The following KCNQ5 variants were observed in gnomAD, a reference collection of about 807,000 sequenced individuals.
KCNQ5 encodes the protein potassium voltage-gated channel subfamily Q member 5, also known as potassium voltage-gated channel subfamily KQT member 5.
Under a neutral mutation model 98.2 loss-of-function variants are expected in KCNQ5, and 30 were observed. That is an observed-to-expected ratio of 0.31 (90% CI 0.23 to 0.41). The LOEUF (loss-of-function observed/expected upper bound fraction) is 0.41. KCNQ5 is among the 10% of genes least tolerant of loss of function. KCNQ5 has a pLI of 1.00. For synonymous variants in KCNQ5, 458 were observed against 449.4 expected, an observed-to-expected ratio of 1.02 and a Z score of -0.24; for missense variants, 835 against 1,182.5, an observed-to-expected ratio of 0.71 and a Z score of 4.31.
chr6:72,779,891 G>A (rs1773371983), intron 1 of KCNQ5, among the ~76,000 whole-genome samples: 1 of 141,774 alleles, frequency 7.1e-6, no homozygotes, highest in Admixed American at 7.2e-5. Context: ...GTAAAGATGG[G>A]GTCTCCCTCT....
At chr6:72,927,676 C>T (rs1476409613) in intron 1 of KCNQ5, among the ~76,000 whole-genome samples, 2 of 152,062 alleles carry the variant, frequency 1.3e-5, no homozygotes, top group Non-Finnish European at 2.9e-5. Context: ...ACCAGCTCAA[C>T]CATACTCTGT....
At chr6:73,080,741 TC>T (rs1023582563) in intron 5 of KCNQ5, among the ~76,000 whole-genome samples, 2 of 152,106 alleles carry the variant, frequency 1.3e-5, no homozygotes, top group Non-Finnish European at 2.9e-5. Flanking sequence ...AAAAAGGAAA[TC>T]CCCTATATTA....
intron 1 of KCNQ5, among the ~76,000 whole-genome samples, chr6:72,797,069 G>A (rs1225651104): frequency 1.3e-5 from 2 of 152,136 alleles, no homozygotes; most frequent in African/African-American, 4.8e-5. Flanking sequence ...GAATTACTAT[G>A]ACAAGTATCA....
chr6:73,183,658 C>A (rs1013812797), intron 11 of KCNQ5, among the ~76,000 whole-genome samples: 4 of 152,276 alleles, frequency 2.6e-5, no homozygotes, highest in Admixed American at 6.5e-5. Flanking sequence ...CTTTCTCAAA[C>A]TTAGCTTGGA....
chr6:73,035,088 AC>A (rs1367218208), intron 2 of KCNQ5, among the ~76,000 whole-genome samples: 1 of 151,794 alleles, frequency 6.6e-6, no homozygotes, highest in Non-Finnish European at 1.5e-5. Flanking sequence ...CTCGTGACCC[AC>A]CCGCCTCGGC....
chr6:72,922,864 T>C (rs1259627476), intron 1 of KCNQ5, among the ~76,000 whole-genome samples: 1 of 138,876 alleles, frequency 7.2e-6, no homozygotes, highest in Non-Finnish European at 1.5e-5. Context: ...CAGGCTGGAG[T>C]GCAGTGTCTC....
At chr6:72,667,510 A>G (rs957346212) in intron 1 of KCNQ5, among the ~76,000 whole-genome samples, 15 of 152,204 alleles carry the variant, frequency 9.9e-5, no homozygotes, top group African/African-American at 3.6e-4. Context: ...CGTGGGTATT[A>G]AAATAAGTGG....
At chr6:72,795,641 A>T (rs1337722021) in intron 1 of KCNQ5, among the ~76,000 whole-genome samples, 3 of 152,178 alleles carry the variant, frequency 2.0e-5, no homozygotes, top group Non-Finnish European at 4.4e-5. Context: ...ACTAGGTGGG[A>T]GTAATATAAC....
chr6:72,716,043 GA>G (rs144281205), intron 1 of KCNQ5, among the ~76,000 whole-genome samples: 2,032 of 152,144 alleles, frequency 0.013, 34 homozygotes, highest in African/African-American at 0.042. Flanking sequence ...ATCAAGTTAT[GA>G]AGCCACATAA....
chr6:72,967,523 C>T (rs192578171), intron 1 of KCNQ5, among the ~76,000 whole-genome samples: 28 of 152,096 alleles, frequency 1.8e-4, no homozygotes, highest in Admixed American at 1.4e-3. Context: ...ATGCAATCAA[C>T]GGATATTTGT....
At chr6:73,037,050 G>T (rs921220946) in intron 2 of KCNQ5, among the ~76,000 whole-genome samples, 2 of 152,136 alleles carry the variant, frequency 1.3e-5, no homozygotes, top group African/African-American at 4.8e-5. Flanking sequence ...TAGCCATTCT[G>T]CTAGCTGTGT....
chr6:72,912,754 A>G (rs1477028748), intron 1 of KCNQ5, among the ~76,000 whole-genome samples: 1 of 152,220 alleles, frequency 6.6e-6, no homozygotes, highest in African/African-American at 2.4e-5. Flanking sequence ...AAGTTCTCCA[A>G]TGCTATCTTT....
chr6:73,190,325 G>A (rs1372400876), intron 11 of KCNQ5, among the ~76,000 whole-genome samples: 1 of 152,072 alleles, frequency 6.6e-6, no homozygotes, highest in Admixed American at 6.5e-5. Flanking sequence ...CATTAAAAAG[G>A]CAAAACACTT....
At chr6:72,792,206 C>T (rs1264675719) in intron 1 of KCNQ5, among the ~76,000 whole-genome samples, 11 of 151,966 alleles carry the variant, frequency 7.2e-5, no homozygotes, top group East Asian at 1.9e-4. Context: ...ATTTGTTTGT[C>T]CTCTTCTTTT....
intron 11 of KCNQ5, among the ~76,000 whole-genome samples, chr6:73,170,622 A>C (rs1290683099): frequency 6.6e-6 from 1 of 152,096 alleles, no homozygotes; most frequent in African/African-American, 2.4e-5. Flanking sequence ...TTGGTGAAAA[A>C]CTAGAAGAAA....
At chr6:72,776,062 A>T (rs1773147296) in intron 1 of KCNQ5, among the ~76,000 whole-genome samples, 1 of 152,250 alleles carries the variant, frequency 6.6e-6, no homozygotes, top group African/African-American at 2.4e-5. Flanking sequence ...AGGGGAACTT[A>T]GTACAGGATG....
chr6:72,702,715 T>C (rs1409294542), intron 1 of KCNQ5, among the ~76,000 whole-genome samples: 2 of 152,204 alleles, frequency 1.3e-5, no homozygotes, highest in Non-Finnish European at 2.9e-5. Context: ...AATTGCCAAG[T>C]AGTTTACATT....
chr6:73,041,229 G>C (rs1432288981), intron 2 of KCNQ5, among the ~76,000 whole-genome samples: 2 of 152,170 alleles, frequency 1.3e-5, no homozygotes, highest in African/African-American at 4.8e-5. Context: ...CCTTTCCCCA[G>C]GGTTAACTCA....
At chr6:73,176,000 T>G (rs1778197835) in intron 11 of KCNQ5, among the ~76,000 whole-genome samples, 1 of 152,062 alleles carries the variant, frequency 6.6e-6, no homozygotes. Flanking sequence ...GAAGGTGGCA[T>G]TAGAAAGCAC....
Sources: allele counts gnomAD v4.1 joint callset (sites outside exome capture counted in the v4.1 genomes callset), GRCh38; gene constraint gnomAD v4.1.1; transcripts MANE v1.5; gene names NCBI Gene and HGNC (gene_info 2026-07-23, HGNC 2026-07-21).